The following MIA2 variants were observed in gnomAD, a reference collection of about 807,000 sequenced individuals.
MIA2 encodes the protein melanoma inhibitory activity protein 2.
In MIA2, 127 loss-of-function variants were observed where a neutral mutation model predicts 167.8. That is an observed-to-expected ratio of 0.76 (90% CI 0.66 to 0.88). MIA2 has a LOEUF of 0.88. MIA2 is among the 40% of genes least tolerant of loss of function. MIA2 has a pLI of 0.00. For missense variants in MIA2, 1,690 were observed against 1,624.7 expected (o/e 1.04, Z -0.69); for synonymous variants, 552 against 541.9 (o/e 1.02, Z -0.26).
At chr14:39,314,824 GTGTGTGTGTGTGTATA>G (rs2065074153) in intron 20 of MIA2, 25 bp downstream of exon 20, 3 of 1,237,914 alleles carry the variant, frequency 2.4e-6, no homozygotes, top group African/African-American at 1.5e-5. Context: ...GTGTGTGTGT[GTGTGTGTGTGTGTATA>G]TATATATAAT....
chr14:39,247,657 A>G lies in MIA2; in HGVS notation c.1083A>G (p.Glu361=). The G allele has an allele frequency of 6.2e-7, 1 of 1,610,466 alleles. No individual in the cohort carries two copies. Among genetic ancestry groups the G allele is most frequent in the South Asian group, 1.1e-5 (1 of 90,136 alleles). The part of the protein sequence containing the change: ...ATVPCTEILT[E]KKDTITNDSL... Reference sequence around the variant, plus strand: ...TTCCATGTACAGAAATATTAACAGAAAAAAAAGACACAATCACTAATGATA... The same window carrying G: ...TTCCATGTACAGAAATATTAACAGAGAAAAAAGACACAATCACTAATGATA... Residue 361 remains glutamate, a synonymous_variant, in exon 4 of 29, where the codon GAA becomes GAG. Transcript: ENST00000640607.
intron 4 of MIA2, among the ~76,000 whole-genome samples, chr14:39,252,206 T>G (rs377060144): frequency 2.0e-5 from 3 of 152,128 alleles, no homozygotes; most frequent in Admixed American, 2.0e-4. Context: ...CCTGAGAATA[T>G]GTTACTTTAC....
At chr14:39,341,008 A>T (rs2153051263) in intron 25 of MIA2, among the ~76,000 whole-genome samples, 1 of 152,240 alleles carries the variant, frequency 6.6e-6, no homozygotes, top group Admixed American at 6.5e-5. Flanking sequence ...GTTTTTAAAG[A>T]TGGATAATAT....
chr14:39,307,022 A>T (rs1566848107), intron 17 of MIA2, among the ~76,000 whole-genome samples: 1 of 152,174 alleles, frequency 6.6e-6, no homozygotes, highest in Non-Finnish European at 1.5e-5. Flanking sequence ...AACAACGCTT[A>T]AAGTTGGTAT....
intron 24 of MIA2, among the ~76,000 whole-genome samples, chr14:39,322,598 C>T (rs1055229053): frequency 7.0e-6 from 1 of 143,384 alleles, no homozygotes; most frequent in African/African-American, 2.4e-5. Context: ...CTGCTGTTAC[C>T]CCCTTATAGG....
At chr14:39,368,628 C>T (rs1310637101) in intron 23 of MIA2, among the ~76,000 whole-genome samples, 1 of 149,922 alleles carries the variant, frequency 6.7e-6, no homozygotes, top group African/African-American at 2.5e-5. Context: ...TTGGAAAATT[C>T]CTTTTCTACT....
chr14:39,255,552 C>T (rs768299949), intron 6 of MIA2, among the ~76,000 whole-genome samples: 4 of 151,974 alleles, frequency 2.6e-5, no homozygotes, highest in South Asian at 2.1e-4. Flanking sequence ...GAAATCTGTC[C>T]CAGGTTAGGA....
At chr14:39,241,127 T>G (rs900969595) in intron 3 of MIA2, among the ~76,000 whole-genome samples, 2 of 152,190 alleles carry the variant, frequency 1.3e-5, no homozygotes, top group Non-Finnish European at 2.9e-5. Context: ...AGATAAAAGT[T>G]TATTTTCCAC....
intron 13 of MIA2, among the ~76,000 whole-genome samples, chr14:39,296,605 CTTT>C (rs56677159): frequency 5.3e-4 from 73 of 138,654 alleles, no homozygotes; most frequent in Middle Eastern, 3.7e-3. Flanking sequence ...CTTTTCTTTT[CTTT>C]TTTTTTTTTT....
At chr14:39,349,211 G>T (rs1412432718) in intron 28 of MIA2, among the ~76,000 whole-genome samples, 1 of 152,126 alleles carries the variant, frequency 6.6e-6, no homozygotes, top group African/African-American at 2.4e-5. Flanking sequence ...CTGTATTTTG[G>T]CAGTCAAGAA....
At chr14:39,355,779 T>A (rs2074507225), downstream of MIA2, among the ~76,000 whole-genome samples, 1 of 152,214 alleles carries the variant, frequency 6.6e-6, no homozygotes, top group Admixed American at 6.5e-5. Flanking sequence ...TTGAATTTTG[T>A]CAAAGGCCTT....
At chr14:39,335,650 T>A (rs1698010947) in intron 25 of MIA2, among the ~76,000 whole-genome samples, 1 of 152,184 alleles carries the variant, frequency 6.6e-6, no homozygotes, top group Admixed American at 6.5e-5. Context: ...CATGTGCAGG[T>A]TTGTTACATG....
intron 23 of MIA2, among the ~76,000 whole-genome samples, chr14:39,379,453 T>C (rs544012979): frequency 3.3e-5 from 5 of 152,342 alleles, no homozygotes; most frequent in African/African-American, 1.2e-4. Flanking sequence ...AATGTTTTAA[T>C]CTCAGTTTTC....
At chr14:39,286,551 T>C (rs1297373003) in intron 9 of MIA2, among the ~76,000 whole-genome samples, 1 of 152,220 alleles carries the variant, frequency 6.6e-6, no homozygotes, top group African/African-American at 2.4e-5. Context: ...CCTGCATCTT[T>C]ACTGAATTCA....
intron 27 of MIA2, 49 bp from the exon 28 acceptor site, chr14:39,348,694 G>T: frequency 6.2e-7 from 1 of 1,603,796 alleles, no homozygotes; most frequent in East Asian, 2.2e-5. Context: ...TCGGGAAAAT[G>T]ATTGCAAATT....
chr14:39,360,744 C>T (rs367590751), intron 23 of MIA2, among the ~76,000 whole-genome samples: 7 of 152,252 alleles, frequency 4.6e-5, no homozygotes, highest in South Asian at 4.2e-4. Flanking sequence ...GACCAATGCC[C>T]TATAGTGTTC....
At chr14:39,339,809 T>C (rs907998412) in intron 25 of MIA2, among the ~76,000 whole-genome samples, 33 of 152,170 alleles carry the variant, frequency 2.2e-4, no homozygotes, top group Admixed American at 7.2e-4. Flanking sequence ...TTTAATCTTA[T>C]TGAATTTTGT....
In MIA2 at chr14:39,247,522, T is replaced by A. The variant is rs113156913; in HGVS notation, c.948T>A (p.Ser316Arg). The A allele has an allele frequency of 6.2e-7, 1 of 1,613,978 alleles. No homozygotes were observed. Among genetic ancestry groups the A allele is most frequent in the African/African-American group, 1.3e-5 (1 of 74,994 alleles). ...STGWFGGGFTSYLGFGDEDTG... is the reference protein window; with the variant it reads ...STGWFGGGFTRYLGFGDEDTG... ...GTTGGTTTGGTGGAGGATTTACAAGTTATTTAGGTTTTGGAGATGAGGATA... is the reference window on the plus strand; with the variant it reads ...GTTGGTTTGGTGGAGGATTTACAAGATATTTAGGTTTTGGAGATGAGGATA... Residue 316 changes from serine to arginine, a missense_variant, in exon 4 of 29, where the codon AGT becomes AGA. By Grantham distance (110) the Ser-to-Arg change is moderately radical. Transcript: ENST00000640607.
intron 17 of MIA2, among the ~76,000 whole-genome samples, chr14:39,305,246 ATTAG>A (rs1176057062): frequency 2.6e-5 from 4 of 152,252 alleles, no homozygotes. Context: ...AAACATTAGT[ATTAG>A]TTTAAGAGAA....
Sources: allele counts gnomAD v4.1 joint callset (sites outside exome capture counted in the v4.1 genomes callset), GRCh38; gene constraint gnomAD v4.1.1; transcripts MANE v1.5; gene names NCBI Gene and HGNC (gene_info 2026-07-23, HGNC 2026-07-21).